The following RBFOX1 variants were observed in gnomAD, a reference collection of about 807,000 sequenced individuals.
RBFOX1 encodes RNA binding fox-1 homolog 1, also known as RNA binding protein fox-1 homolog 1.
In RBFOX1, 8 loss-of-function variants were observed where a neutral mutation model predicts 57.7. The observed-to-expected ratio is 0.14, with a 90% confidence interval of 0.08 to 0.25. RBFOX1 has a LOEUF of 0.25. Among genes scored for constraint, RBFOX1 ranks in the 10% least tolerant of loss-of-function variants. The probability of loss-of-function intolerance (pLI) is 1.00; values close to 1 mark genes in which losing one functional copy is unlikely to be tolerated. For synonymous variants in RBFOX1, 326 were observed against 222.4 expected, an observed-to-expected ratio of 1.47 and a Z score of -4.15; for missense variants, 611 against 548.5, an observed-to-expected ratio of 1.11 and a Z score of -1.14.
At chr16:7,624,459 T>A (rs180965695) in intron 10 of RBFOX1, among the ~76,000 whole-genome samples, 1 of 152,352 alleles carries the variant, frequency 6.6e-6, no homozygotes, top group Admixed American at 6.5e-5. Flanking sequence ...ATACATTTGT[T>A]ACTGAACCTA....
intron 3 of RBFOX1, among the ~76,000 whole-genome samples, chr16:5,785,614 G>A (rs1369400264): frequency 1.3e-5 from 2 of 151,874 alleles, no homozygotes; most frequent in South Asian, 2.1e-4. Flanking sequence ...TGCAACCTCT[G>A]CCTCCTGGGT....
chr16:5,322,176 T>C (rs2064429319), intron 1 of RBFOX1, among the ~76,000 whole-genome samples: 1 of 152,182 alleles, frequency 6.6e-6, no homozygotes, highest in Non-Finnish European at 1.5e-5. Flanking sequence ...AGAAAGCTAC[T>C]TGGGTTCCTT....
At chr16:5,810,601 C>G (rs1212840640) in intron 3 of RBFOX1, among the ~76,000 whole-genome samples, 1 of 152,192 alleles carries the variant, frequency 6.6e-6, no homozygotes, top group African/African-American at 2.4e-5. Context: ...TTGAGTGACA[C>G]TCCTGCTGGG....
At chr16:5,647,655 C>T (rs1249174200) in intron 3 of RBFOX1, among the ~76,000 whole-genome samples, 1 of 152,100 alleles carries the variant, frequency 6.6e-6, no homozygotes, top group Non-Finnish European at 1.5e-5. Context: ...AAGTCAGTAC[C>T]TTCTCTGATT....
At chr16:7,254,327 A>T (rs2094593925) in intron 4 of RBFOX1, among the ~76,000 whole-genome samples, 1 of 152,130 alleles carries the variant, frequency 6.6e-6, no homozygotes, top group Non-Finnish European at 1.5e-5. Flanking sequence ...TTACTAATTC[A>T]GCAGGAAGAC....
At chr16:5,430,937 G>A (rs2067714104) in intron 1 of RBFOX1, among the ~76,000 whole-genome samples, 1 of 152,176 alleles carries the variant, frequency 6.6e-6, no homozygotes, top group South Asian at 2.1e-4. Flanking sequence ...CTTCAGTGGG[G>A]ACCTGCTCAG....
At chr16:7,167,703 T>C (rs2079853268) in intron 4 of RBFOX1, among the ~76,000 whole-genome samples, 1 of 152,210 alleles carries the variant, frequency 6.6e-6, no homozygotes, top group African/African-American at 2.4e-5. Flanking sequence ...GAGAGCCAAA[T>C]CCAGCCTGAC....
At chr16:7,626,549 A>T (rs1391502045) in intron 10 of RBFOX1, among the ~76,000 whole-genome samples, 1 of 152,178 alleles carries the variant, frequency 6.6e-6, no homozygotes. Context: ...CATGGAGCCA[A>T]ATGTCTGCCA....
At chr16:7,702,910 G>C (rs17768398) in intron 14 of RBFOX1, among the ~76,000 whole-genome samples, 29,414 of 152,212 alleles carry the variant, frequency 0.19, 3,510 homozygotes, top group South Asian at 0.28. Flanking sequence ...ATGAATATCT[G>C]AGTGGGATGA....
intron 8 of RBFOX1, among the ~76,000 whole-genome samples, chr16:7,596,961 T>G (rs1211432931): frequency 6.6e-6 from 1 of 152,204 alleles, no homozygotes; most frequent in Non-Finnish European, 1.5e-5. Flanking sequence ...ACATTTATGT[T>G]CCCTTGTACC....
chr16:7,700,079 T>G (rs2080166330), intron 14 of RBFOX1, among the ~76,000 whole-genome samples: 1 of 152,176 alleles, frequency 6.6e-6, no homozygotes, highest in Non-Finnish European at 1.5e-5. Flanking sequence ...CTGCTTGTTT[T>G]GTCTTAATCT....
At chr16:6,595,259 A>G (rs561840950) in intron 2 of RBFOX1, among the ~76,000 whole-genome samples, 21 of 152,312 alleles carry the variant, frequency 1.4e-4, no homozygotes, top group Admixed American at 3.9e-4. Flanking sequence ...ATTCTGCTCT[A>G]TCTCTATAGG....
At chr16:5,290,314 G>A (rs1204948603) in intron 1 of RBFOX1, among the ~76,000 whole-genome samples, 1 of 152,046 alleles carries the variant, frequency 6.6e-6, no homozygotes, top group Non-Finnish European at 1.5e-5. Context: ...GTGAGCCGAG[G>A]TTGTGCCACT....
At chr16:6,354,468 G>A (rs546280621) in intron 2 of RBFOX1, among the ~76,000 whole-genome samples, 7 of 152,166 alleles carry the variant, frequency 4.6e-5, no homozygotes, top group South Asian at 4.2e-4. Flanking sequence ...CCAAAACGCT[G>A]TCTTGATCAG....
chr16:7,477,991 T>G (rs904027745), intron 4 of RBFOX1, among the ~76,000 whole-genome samples: 2 of 152,204 alleles, frequency 1.3e-5, no homozygotes, highest in African/African-American at 2.4e-5. Context: ...AAGTATATAA[T>G]TTGAATTCCT....
In RBFOX1 at chr16:7,336,872, G is replaced by A. The variant is rs557820268; in HGVS notation, c.28-181275G>A. Among the ~76,000 whole-genome samples the A allele has an allele frequency of 2.0e-5, 3 of 152,308 alleles. No homozygotes were observed. The East Asian group carries it at 5.8e-4, about 29-fold the overall frequency. On this transcript the variant is annotated intron_variant, in intron 4 of 15. Transcript: ENST00000550418. ...ACAGAAACTTGACCTGAAATGATGT[G>A]TAGCTATTTATAGACTTTCTTTATC...
At chr16:7,258,055 CTG>C (rs1032706983) in intron 4 of RBFOX1, among the ~76,000 whole-genome samples, 1 of 152,198 alleles carries the variant, frequency 6.6e-6, no homozygotes, top group African/African-American at 2.4e-5. Flanking sequence ...GCATTGATCA[CTG>C]TGCTGAAATA....
chr16:5,407,507 G>A (rs941616837), intron 1 of RBFOX1, among the ~76,000 whole-genome samples: 9 of 152,090 alleles, frequency 5.9e-5, no homozygotes, highest in African/African-American at 2.2e-4. Context: ...ATAGTGAGAG[G>A]TACTGGCAGC....
chr16:7,688,283 G>GAT (rs2147217127), intron 14 of RBFOX1, among the ~76,000 whole-genome samples: 1 of 149,700 alleles, frequency 6.7e-6, no homozygotes, highest in African/African-American at 2.5e-5. Flanking sequence ...GAGAGAGAGA[G>GAT]ATTCAATATT....
Sources: allele counts gnomAD v4.1 joint callset (sites outside exome capture counted in the v4.1 genomes callset), GRCh38; gene constraint gnomAD v4.1.1; transcripts MANE v1.5; gene names NCBI Gene and HGNC (gene_info 2026-07-23, HGNC 2026-07-21).